Variants in IPMK observed in about 807,000 individuals in gnomAD.
IPMK encodes inositol polyphosphate multikinase.
In IPMK, 17 loss-of-function variants were observed where a neutral mutation model predicts 45.8. That is an observed-to-expected ratio of 0.37 (90% CI 0.25 to 0.56). IPMK has a LOEUF of 0.56. IPMK is among the 20% of genes least tolerant of loss of function. The pLI is 0.79. For missense variants in IPMK, 399 were observed against 498.0 expected (o/e 0.80, Z 1.89); for synonymous variants, 180 against 184.3 (o/e 0.98, Z 0.19).
Position 58,241,905 on chromosome 10 carries a change from C to CTA in IPMK, c.191-4093_191-4092dup, listed in dbSNP as rs1339503248. Among the ~76,000 whole-genome samples, 26 of 151,884 alleles carry CTA rather than the reference C, an allele frequency of 1.7e-4. 1 individual carries two copies. The South Asian group carries it at 4.8e-3, about 28-fold the overall frequency. On this transcript the variant is annotated intron_variant, in intron 1 of 5. Coordinates refer to ENST00000373935, the MANE Select transcript of IPMK (RefSeq NM_152230.5). ...ACACTCAGTCCATAACAGAAACCAA[C>CTA]TATAACAACAATACTTACATTTATC...
At chr10:58,244,268 CG>C (rs1385452895) in intron 1 of IPMK, among the ~76,000 whole-genome samples, 1 of 139,338 alleles carries the variant, frequency 7.2e-6, no homozygotes, top group African/African-American at 2.7e-5. Context: ...GTGGGGAGCG[CG>C]TCTGCCCAGC....
chr10:58,263,569 C>T (rs950512949), intron 1 of IPMK, among the ~76,000 whole-genome samples: 15 of 151,982 alleles, frequency 9.9e-5, no homozygotes, highest in Admixed American at 7.2e-4. Context: ...CCTATACTCC[C>T]GGCTACTCAG....
chr10:58,217,455 G>A (rs977738069), intron 3 of IPMK, among the ~76,000 whole-genome samples: 69 of 151,522 alleles, frequency 4.6e-4, no homozygotes, highest in Admixed American at 9.2e-4. Flanking sequence ...TTGGGAGGCC[G>A]AGGCAGGTGG....
intron 4 of IPMK, among the ~76,000 whole-genome samples, chr10:58,205,578 G>A (rs1000689279): frequency 2.6e-5 from 4 of 152,090 alleles, no homozygotes; most frequent in East Asian, 1.9e-4. Flanking sequence ...TAAAATGAAC[G>A]GTGAAGCCAC....
chr10:58,201,729 C>A (rs1330223820), intron 4 of IPMK, among the ~76,000 whole-genome samples: 1 of 152,132 alleles, frequency 6.6e-6, no homozygotes, highest in Non-Finnish European at 1.5e-5. Flanking sequence ...AGGAAGGCAT[C>A]CTGAAAGCAA....
chr10:58,253,849 A>G (rs767057960), intron 1 of IPMK, among the ~76,000 whole-genome samples: 28 of 152,010 alleles, frequency 1.8e-4, no homozygotes, highest in Non-Finnish European at 3.5e-4. Flanking sequence ...TCCTTCGAAT[A>G]TAGCACTCCA....
chr10:58,245,844 G>C (rs917119207), intron 1 of IPMK, among the ~76,000 whole-genome samples: 12 of 145,862 alleles, frequency 8.2e-5, no homozygotes, highest in African/African-American at 2.2e-4. Flanking sequence ...TATTCAGTTA[G>C]GAAAAGAGGA....
intron 3 of IPMK, among the ~76,000 whole-genome samples, chr10:58,222,221 C>T (rs1464955584): frequency 6.6e-6 from 1 of 152,110 alleles, no homozygotes; most frequent in Non-Finnish European, 1.5e-5. Flanking sequence ...TTTAAGTTCA[C>T]TCTGTTCAAG....
In IPMK at chr10:58,193,368, CAACT is replaced by C. The variant is rs748672961; in HGVS notation, c.*2704_*2707del. 2 of 151,802 alleles carry C rather than the reference CAACT, an allele frequency of 1.3e-5. No homozygotes were observed. Among genetic ancestry groups the C allele is most frequent in the African/African-American group, 2.4e-5 (1 of 41,412 alleles). The allele number at this position is 151,802 out of a possible 1,614,324, so 9.4% of individuals were successfully genotyped here. ...AGTAAGTACAATCTTTCCAGACACA[CAACT>C]AATAATGAATACTGAGTTGAAATAC... On this transcript the variant is annotated 3_prime_UTR_variant, in exon 6 of 6. Transcript: ENST00000373935.
At chr10:58,241,460 C>G (rs1337329370) in intron 1 of IPMK, among the ~76,000 whole-genome samples, 3 of 152,172 alleles carry the variant, frequency 2.0e-5, no homozygotes, top group Non-Finnish European at 4.4e-5. Flanking sequence ...AATCCTCTGG[C>G]AAATCAGACC....
intron 1 of IPMK, among the ~76,000 whole-genome samples, chr10:58,265,436 T>C (rs1039529690): frequency 6.6e-6 from 1 of 152,190 alleles, no homozygotes; most frequent in Non-Finnish European, 1.5e-5. Context: ...CTTATGACAG[T>C]GGAGAAACAT....
intron 3 of IPMK, among the ~76,000 whole-genome samples, chr10:58,221,326 C>T (rs1838330429): frequency 6.6e-6 from 1 of 151,602 alleles, no homozygotes; most frequent in Admixed American, 6.6e-5. Context: ...ACTATTTCAT[C>T]CTTCCTTCCC....
intron 3 of IPMK, among the ~76,000 whole-genome samples, chr10:58,225,528 ATGTTTCTTCT>A (rs1838400340): frequency 6.6e-6 from 1 of 152,152 alleles, no homozygotes; most frequent in Admixed American, 6.5e-5. Flanking sequence ...TTTAATTAAA[ATGTTTCTTCT>A]CTTATCCAAA....
intron 4 of IPMK, 116 bp from the exon 5 acceptor site, chr10:58,199,437 T>C: frequency 1.7e-6 from 1 of 573,672 alleles, no homozygotes; most frequent in Non-Finnish European, 2.9e-6. Context: ...TCTAATAGAT[T>C]TGAGAAGAAA....
intron 1 of IPMK, among the ~76,000 whole-genome samples, chr10:58,254,205 T>C (rs1838929447): frequency 6.6e-6 from 1 of 152,134 alleles, no homozygotes; most frequent in Admixed American, 6.5e-5. Context: ...TTCGTAATTC[T>C]TGTAGGCCCT....
intron 1 of IPMK, among the ~76,000 whole-genome samples, chr10:58,255,697 A>T (rs760957697): frequency 6.6e-6 from 1 of 151,598 alleles, no homozygotes; most frequent in Non-Finnish European, 1.5e-5. Context: ...TATGATAAAC[A>T]TATATTGGCC....
chr10:58,205,983 C>T (rs2132146194), intron 4 of IPMK, among the ~76,000 whole-genome samples: 1 of 152,132 alleles, frequency 6.6e-6, no homozygotes, highest in East Asian at 1.9e-4. Flanking sequence ...AAAACATATA[C>T]CTACACAGAA....
chr10:58,196,196 A>G lies in IPMK; in HGVS notation c.1131T>C (p.Ala377=), dbSNP rs1206363289. The G allele has an allele frequency of 6.2e-7, 1 of 1,614,178 alleles. No individual in the cohort carries two copies. The highest frequency in any genetic ancestry group is 1.7e-5 in the Admixed American group (1 of 60,018). Residue 377 remains alanine (A), a synonymous_variant, in exon 6 of 6, where the codon GCT becomes GCC. Coordinates refer to ENST00000373935, the MANE Select transcript of IPMK (RefSeq NM_152230.5). ...AATCTATCATTCGCACTTCTACTTCAGCAATCTCTTGGCAACCAGTGGGAA... is the reference window on the plus strand; with the variant it reads ...AATCTATCATTCGCACTTCTACTTCGGCAATCTCTTGGCAACCAGTGGGAA... ...YHLPTGCQEI[A]EVEVRMIDFA...
intron 5 of IPMK, among the ~76,000 whole-genome samples, chr10:58,197,384 C>T (rs529373454): frequency 6.7e-4 from 88 of 132,240 alleles, no homozygotes; most frequent in African/African-American, 2.9e-3. Context: ...GGTGCGGTGG[C>T]TCACGCCTGT....
Sources: allele counts gnomAD v4.1 joint callset (sites outside exome capture counted in the v4.1 genomes callset), GRCh38; gene constraint gnomAD v4.1.1; transcripts MANE v1.5; gene names NCBI Gene and HGNC (gene_info 2026-07-23, HGNC 2026-07-21).